GLG1: variants seen among roughly 807,000 people sequenced by gnomAD.
The protein encoded by GLG1 is golgi glycoprotein 1, also known as Golgi apparatus protein 1.
In GLG1, 38 loss-of-function variants were observed where a neutral mutation model predicts 160.5. The observed-to-expected ratio is 0.24, with a 90% CI of 0.18 to 0.31. The LOEUF (loss-of-function observed/expected upper bound fraction) is 0.31, where lower values mean the gene tolerates loss of function less well. GLG1 is among the 10% of genes least tolerant of loss of function. The probability of loss-of-function intolerance (pLI) is 1.00; values close to 1 mark genes in which losing one functional copy is unlikely to be tolerated. For synonymous variants in GLG1, 644 were observed against 543.4 expected (o/e 1.19, Z -2.57); for missense variants, 1,373 against 1,505.2 (o/e 0.91, Z 1.45).
At chr16:74,467,901 C>T in intron 17 of GLG1, 53 bp from the exon 18 acceptor site, 2 of 1,202,932 alleles carry the variant, frequency 1.7e-6, no homozygotes, top group South Asian at 1.2e-5. Flanking sequence ...CTGGAGATGT[C>T]ATATGTTCTG....
chr16:74,490,976 A>T (rs573466041), intron 8 of GLG1, 25 bp downstream of exon 8: 3 of 1,534,758 alleles, frequency 2.0e-6, no homozygotes, highest in Admixed American at 1.7e-5. Context: ...TGACATTCAA[A>T]ATGGCAATAG....
rs1196932270 is a variant in GLG1, at chr16:74,607,078, C to G, written c.17G>C (p.Arg6Pro). 3.9e-6 allele frequency: 6 copies of G among 1,555,354 alleles called. No homozygotes were observed. Among genetic ancestry groups the G allele is most frequent in the Non-Finnish European group, 5.2e-6 (6 of 1,150,676 alleles). ...CGACAAGCGGAACATCCTCCGTACA[C>G]GTCCACACGCCGCCATCTTGAGTCC... MAACGRVRRMFRLSAA... is the reference protein window; with the variant it reads MAACGPVRRMFRLSAA... Residue 6 changes from arginine (R) to proline (P), a missense_variant, in exon 1 of 26, where the codon CGT becomes CCT. By Grantham distance (103) the Arg-to-Pro change is moderately radical (BLOSUM62 -2). Transcript: ENST00000422840.
chr16:74,589,936 CATAA>C (rs953750104), intron 1 of GLG1, among the ~76,000 whole-genome samples: 1 of 151,954 alleles, frequency 6.6e-6, no homozygotes, highest in African/African-American at 2.4e-5. Flanking sequence ...GATTCTGTTT[CATAA>C]ATAAATAAAT....
intron 14 of GLG1, among the ~76,000 whole-genome samples, 156 bp downstream of exon 14, chr16:74,472,193 C>A (rs2015231786): frequency 6.6e-6 from 1 of 152,202 alleles, no homozygotes; most frequent in Non-Finnish European, 1.5e-5. Flanking sequence ...GGTCACCACA[C>A]CCGGCCTGTT....
chr16:74,605,082 C>T (rs1958534790), intron 1 of GLG1, among the ~76,000 whole-genome samples: 1 of 152,132 alleles, frequency 6.6e-6, no homozygotes, highest in South Asian at 2.1e-4. Flanking sequence ...ACTCCACCTC[C>T]TGAAGAATAC....
chr16:74,499,700 A>C (rs2016337974), intron 4 of GLG1, among the ~76,000 whole-genome samples: 1 of 152,168 alleles, frequency 6.6e-6, no homozygotes, highest in Non-Finnish European at 1.5e-5. Flanking sequence ...CTACACTGGC[A>C]TTAGGTCATA....
At chr16:74,480,957 GTCTC>G (rs993156783) in intron 10 of GLG1, among the ~76,000 whole-genome samples, 1 of 152,156 alleles carries the variant, frequency 6.6e-6, no homozygotes, top group Non-Finnish European at 1.5e-5. Context: ...AAGATTTAAA[GTCTC>G]TCTCAAAGAT....
chr16:74,574,292 C>T (rs1039747886), intron 1 of GLG1, among the ~76,000 whole-genome samples: 3 of 152,160 alleles, frequency 2.0e-5, no homozygotes, highest in Non-Finnish European at 4.4e-5. Context: ...CTAAAGCTAA[C>T]GCTAAACAGG....
chr16:74,564,385 T>TA (rs1183921579), intron 1 of GLG1, among the ~76,000 whole-genome samples: 2 of 152,238 alleles, frequency 1.3e-5, no homozygotes, highest in Non-Finnish European at 2.9e-5. Flanking sequence ...GAACTCTGGC[T>TA]AAGGAGCATA....
intron 1 of GLG1, among the ~76,000 whole-genome samples, chr16:74,575,798 C>T (rs569253222): frequency 4.6e-5 from 7 of 152,160 alleles, no homozygotes; most frequent in Admixed American, 2.6e-4. Context: ...AGAGAAGTGG[C>T]AATATATTCA....
intron 1 of GLG1, among the ~76,000 whole-genome samples, chr16:74,544,734 T>C (rs2017997297): frequency 6.6e-6 from 1 of 152,154 alleles, no homozygotes; most frequent in Admixed American, 6.5e-5. Context: ...TCTCTTGACC[T>C]TGTGACCCTC....
Position 74,590,388 on chromosome 16 carries a change from C to T in GLG1, c.438+16269G>A, listed in dbSNP as rs539381413. 2.2e-4 allele frequency among the ~76,000 whole-genome samples: 34 copies of T among 152,002 alleles called. No homozygotes were observed. In the South Asian group the frequency reaches 3.3e-3, roughly 15 times the overall value. ...ATCCCAGCACTCTGGGAGGCCGAAGCAGGCGGATCACCTGAAGTCAGGAGT... is the reference window on the plus strand; with the variant it reads ...ATCCCAGCACTCTGGGAGGCCGAAGTAGGCGGATCACCTGAAGTCAGGAGT... On this transcript the variant is annotated intron_variant, in intron 1 of 25. Transcript: ENST00000422840.
At chr16:74,582,108 T>C (rs986234822) in intron 1 of GLG1, among the ~76,000 whole-genome samples, 3 of 152,120 alleles carry the variant, frequency 2.0e-5, no homozygotes, top group African/African-American at 7.2e-5. Flanking sequence ...TTTTCCTAGA[T>C]AGTAAGATTG....
intron 1 of GLG1, among the ~76,000 whole-genome samples, chr16:74,578,645 G>A (rs1957867437): frequency 1.3e-5 from 2 of 152,114 alleles, no homozygotes; most frequent in Admixed American, 6.6e-5. Context: ...TGGTTTAAAG[G>A]GAGACGAAGA....
intron 4 of GLG1, among the ~76,000 whole-genome samples, chr16:74,499,635 T>C (rs1204178077): frequency 6.6e-6 from 1 of 152,220 alleles, no homozygotes; most frequent in African/African-American, 2.4e-5. Flanking sequence ...TCTCAGAACG[T>C]GTCCTGGTAT....
intron 4 of GLG1, 53 bp from the exon 5 acceptor site, chr16:74,496,697 A>G: frequency 9.1e-7 from 1 of 1,094,742 alleles, no homozygotes; most frequent in Non-Finnish European, 1.4e-6. Context: ...TGGGTTTCAA[A>G]TAAACAACAT....
chr16:74,538,842 T>C (rs1295565837), intron 1 of GLG1, among the ~76,000 whole-genome samples: 1 of 150,184 alleles, frequency 6.7e-6, no homozygotes, highest in African/African-American at 2.5e-5. Flanking sequence ...AAAGGAGGAC[T>C]TGATATTTTA....
chr16:74,582,513 A>C (rs531783043), intron 1 of GLG1, among the ~76,000 whole-genome samples: 98 of 152,220 alleles, frequency 6.4e-4, no homozygotes, highest in African/African-American at 2.2e-3. Context: ...CTTCACTATC[A>C]AACTTTTCGG....
intron 1 of GLG1, among the ~76,000 whole-genome samples, chr16:74,567,441 G>C (rs2143764948): frequency 6.6e-6 from 1 of 152,142 alleles, no homozygotes; most frequent in Middle Eastern, 3.4e-3. Context: ...CAAAACATTG[G>C]GGTTTCCTAG....
Sources: gnomAD v4.1 joint callset for allele counts (sites outside exome capture counted in the v4.1 genomes callset) on GRCh38, gnomAD v4.1.1 for gene constraint, MANE v1.5 for transcripts, NCBI Gene and HGNC (gene_info 2026-07-23, HGNC 2026-07-21) for gene names.